Variants in TRPC4 observed in about 807,000 individuals in gnomAD.
TRPC4 encodes the protein transient receptor potential cation channel subfamily C member 4.
A neutral mutation model predicts 99.4 loss-of-function variants in TRPC4; 49 were observed. That is an observed-to-expected ratio of 0.49 (90% CI 0.39 to 0.63). TRPC4 has a LOEUF of 0.63. Among genes scored for constraint, TRPC4 ranks in the 20% least tolerant of loss-of-function variants. The pLI is 0.00. For missense variants in TRPC4, 898 were observed against 1,152.9 expected (o/e 0.78, Z 3.20); for synonymous variants, 454 against 425.9 (o/e 1.07, Z -0.81).
intron 1 of TRPC4, among the ~76,000 whole-genome samples, chr13:37,799,790 TTTA>T (rs1957355965): frequency 6.6e-6 from 1 of 152,210 alleles, no homozygotes; most frequent in African/African-American, 2.4e-5. Flanking sequence ...TTCAGGTGAT[TTTA>T]TACTATGTAA....
At chr13:37,666,697 C>A (rs1952657269) in intron 5 of TRPC4, among the ~76,000 whole-genome samples, 1 of 152,286 alleles carries the variant, frequency 6.6e-6, no homozygotes, top group Non-Finnish European at 1.5e-5. Context: ...AATTTCTTTG[C>A]CTCTGCTATT....
At position 37,788,950 on chromosome 13, in the gene TRPC4, C is replaced by A. The variant is rs180878187; in HGVS notation, c.-27-5590G>T. On this transcript the variant is annotated intron_variant, in intron 1 of 10. Transcript: ENST00000379705. ...GATTTCAACGGCTCAGTAGCATTCC[C>A]TCACTAAAATGTTGATGTTCATCAT... is the stretch of plus-strand genomic sequence containing the variant. 3.6e-3 allele frequency among the ~76,000 whole-genome samples: 552 copies of A among 152,148 alleles called. 2 individuals are homozygous for A. The highest frequency in any genetic ancestry group is 6.9e-3 in the South Asian group (33 of 4,812).
At chr13:37,802,344 C>T (rs1397367498) in intron 1 of TRPC4, among the ~76,000 whole-genome samples, 1 of 152,050 alleles carries the variant, frequency 6.6e-6, no homozygotes, top group Non-Finnish European at 1.5e-5. Context: ...TCTCAGGATA[C>T]CACATTGCAT....
intron 8 of TRPC4, among the ~76,000 whole-genome samples, chr13:37,650,830 G>A (rs1027229627): frequency 7.9e-5 from 12 of 152,138 alleles, no homozygotes; most frequent in African/African-American, 2.9e-4. Context: ...ACTTTGTTAG[G>A]CATGAAGAAT....
intron 1 of TRPC4, among the ~76,000 whole-genome samples, chr13:37,867,421 A>T (rs1303803377): frequency 6.6e-6 from 1 of 152,048 alleles, no homozygotes; most frequent in Admixed American, 6.5e-5. Context: ...GTATAAAAAT[A>T]AAACAGACTA....
intron 2 of TRPC4, among the ~76,000 whole-genome samples, chr13:37,769,912 A>T (rs1437785285): frequency 6.6e-6 from 1 of 151,482 alleles, no homozygotes; most frequent in South Asian, 2.1e-4. Context: ...CTTTACATGA[A>T]TTTTTTCTAA....
At chr13:37,669,248 T>A (rs1952755409) in intron 5 of TRPC4, among the ~76,000 whole-genome samples, 1 of 152,144 alleles carries the variant, frequency 6.6e-6, no homozygotes, top group Non-Finnish European at 1.5e-5. Context: ...GCCAAACTGT[T>A]GAAGATAAAT....
At chr13:37,720,573 A>G (rs1307128301) in intron 3 of TRPC4, among the ~76,000 whole-genome samples, 2 of 152,166 alleles carry the variant, frequency 1.3e-5, no homozygotes, top group African/African-American at 2.4e-5. Flanking sequence ...ATTTTATTTT[A>G]TACTAAAATA....
Position 37,715,209 on chromosome 13 carries a change from G to T in TRPC4, c.898-22874C>A, listed in dbSNP as rs535960354. 1.9e-4 allele frequency among the ~76,000 whole-genome samples: 29 copies of T among 152,246 alleles called. 1 individual carries two copies. In the South Asian group the frequency reaches 5.4e-3, roughly 28 times the overall value. On this transcript the variant is annotated intron_variant, in intron 3 of 10. Transcript: ENST00000379705. Reference sequence around the variant, plus strand: ...ATCTTAGGCTGGATATGGCTGGAAGGTATAGTATGAGCCACGTGATATTGC... The same window carrying T: ...ATCTTAGGCTGGATATGGCTGGAAGTTATAGTATGAGCCACGTGATATTGC...
At chr13:37,698,695 C>G (rs756939789) in intron 3 of TRPC4, among the ~76,000 whole-genome samples, 1 of 152,088 alleles carries the variant, frequency 6.6e-6, no homozygotes, top group Non-Finnish European at 1.5e-5. Context: ...AAAATCTCAA[C>G]AATAATCTCC....
At chr13:37,703,815 C>G (rs1433459031) in intron 3 of TRPC4, among the ~76,000 whole-genome samples, 1 of 151,966 alleles carries the variant, frequency 6.6e-6, no homozygotes, top group Non-Finnish European at 1.5e-5. Flanking sequence ...ACCAATGATA[C>G]ATCCATTCTT....
chr13:37,804,716 C>G (rs575423706), intron 1 of TRPC4, among the ~76,000 whole-genome samples: 2 of 151,982 alleles, frequency 1.3e-5, no homozygotes, highest in African/African-American at 4.8e-5. Flanking sequence ...ATACATAATT[C>G]TAACATGTAC....
chr13:37,740,019 G>C lies in TRPC4; in HGVS notation c.897+5918C>G, dbSNP rs144386590. 6.6e-4 allele frequency among the ~76,000 whole-genome samples: 100 copies of C among 152,274 alleles called. 1 individual carries two copies. The highest frequency in any genetic ancestry group is 3.4e-3 in the Middle Eastern group (1 of 294). ...AGCTATGCCGTCAAATTTGTAGCAAGTGCAAAGGTCTAGCATGGCTGCTGA... is the reference window on the plus strand; with the variant it reads ...AGCTATGCCGTCAAATTTGTAGCAACTGCAAAGGTCTAGCATGGCTGCTGA... On this transcript the variant is annotated intron_variant, in intron 3 of 10. Transcript: ENST00000379705.
At chr13:37,747,292 A>G (rs1193271196) in intron 2 of TRPC4, among the ~76,000 whole-genome samples, 3 of 152,172 alleles carry the variant, frequency 2.0e-5, no homozygotes, top group Non-Finnish European at 4.4e-5. Context: ...GTAGTTCCTC[A>G]GTGAGTAAGT....
intron 3 of TRPC4, among the ~76,000 whole-genome samples, chr13:37,696,934 A>C (rs912385): frequency 2.1e-4 from 25 of 118,106 alleles, no homozygotes; most frequent in Admixed American, 1.8e-3. Flanking sequence ...TTTTTTTTTT[A>C]AATCTTTTAT....
chr13:37,742,599 G>A (rs1168216445), intron 3 of TRPC4, among the ~76,000 whole-genome samples: 1 of 152,152 alleles, frequency 6.6e-6, no homozygotes, highest in Non-Finnish European at 1.5e-5. Flanking sequence ...CTCCTGCGGT[G>A]AGACAAGACG....
intron 3 of TRPC4, among the ~76,000 whole-genome samples, chr13:37,719,342 T>C (rs1259883094): frequency 6.6e-6 from 1 of 151,888 alleles, no homozygotes; most frequent in Non-Finnish European, 1.5e-5. Context: ...AGTGAGACCA[T>C]GTCTTATAAA....
chr13:37,812,175 T>TAAAAAAAAAAA (rs1957707997), intron 1 of TRPC4, among the ~76,000 whole-genome samples: 1 of 5,200 alleles, frequency 1.9e-4, no homozygotes, highest in African/African-American at 9.0e-4. Context: ...TGAGACTCTA[T>TAAAAAAAAAAA]CAAAAAAAAA....
intron 8 of TRPC4, among the ~76,000 whole-genome samples, chr13:37,642,909 T>G (rs1951768199): frequency 6.6e-6 from 1 of 152,024 alleles, no homozygotes; most frequent in Non-Finnish European, 1.5e-5. Context: ...TTTTGTATTT[T>G]TAATAGAGAC....
Sources: allele counts gnomAD v4.1 joint callset (sites outside exome capture counted in the v4.1 genomes callset), GRCh38; gene constraint gnomAD v4.1.1; transcripts MANE v1.5; gene names NCBI Gene and HGNC (gene_info 2026-07-23, HGNC 2026-07-21).